DLG2: variants seen among roughly 807,000 people sequenced by gnomAD.
DLG2 encodes discs large MAGUK scaffold protein 2.
DLG2 carries 45 observed loss-of-function variants against 132.5 expected under a neutral mutation model. The ratio of observed to expected loss-of-function variants is 0.34; its 90% CI spans 0.27 to 0.44. The LOEUF is 0.44. Among genes scored for constraint, DLG2 ranks in the 20% least tolerant of loss-of-function variants. The pLI is 1.00. For missense variants in DLG2, 1,045 were observed against 1,196.9 expected (o/e 0.87, Z 1.87); for synonymous variants, 424 against 419.6 (o/e 1.01, Z -0.13).
intron 14 of DLG2, among the ~76,000 whole-genome samples, chr11:83,949,646 T>G (rs73509823): frequency 1.3e-5 from 2 of 152,294 alleles, no homozygotes; most frequent in African/African-American, 4.8e-5. Flanking sequence ...TACAATGTAG[T>G]ATTATTAACT....
chr11:83,943,762 C>A (rs1402254368), intron 14 of DLG2, among the ~76,000 whole-genome samples: 1 of 152,154 alleles, frequency 6.6e-6, no homozygotes, highest in Non-Finnish European at 1.5e-5. Context: ...ATATTTACTG[C>A]CCTTAGAAAA....
chr11:83,939,277 T>A (rs556014843), intron 14 of DLG2, among the ~76,000 whole-genome samples: 1 of 152,198 alleles, frequency 6.6e-6, no homozygotes. Context: ...CTGGTCCTTA[T>A]GAGTTTGGTT....
At chr11:84,876,825 T>A (rs1275863496) in intron 6 of DLG2, among the ~76,000 whole-genome samples, 1 of 152,234 alleles carries the variant, frequency 6.6e-6, no homozygotes, top group Non-Finnish European at 1.5e-5. Flanking sequence ...CATTTAGTGC[T>A]ATCAATTTCC....
Position 83,609,470 on chromosome 11 carries a change from T to C in DLG2, c.1940+23741A>G, listed in dbSNP as rs371892263. Among the ~76,000 whole-genome samples, 38 of 152,310 alleles carry C rather than the reference T, an allele frequency of 2.5e-4. 1 individual carries two copies. Among genetic ancestry groups the C allele is most frequent in the African/African-American group, 7.5e-4 (31 of 41,570 alleles). On this transcript the variant is annotated intron_variant, in intron 19 of 27. Transcript: ENST00000376104. ...AGCTGGAAATGACAGAATTTTGAAA[T>C]TTCCCATTAAGCTGGCTTGAGTTTT...
intron 7 of DLG2, among the ~76,000 whole-genome samples, chr11:84,346,744 A>G (rs970822413): frequency 6.6e-6 from 1 of 152,044 alleles, no homozygotes; most frequent in Admixed American, 6.6e-5. Flanking sequence ...CACCCAGCTA[A>G]TTTTTGTATT....
chr11:85,523,052 C>T (rs2074442076), intron 3 of DLG2, among the ~76,000 whole-genome samples: 1 of 152,182 alleles, frequency 6.6e-6, no homozygotes, highest in African/African-American at 2.4e-5. Context: ...CAAATGTCAT[C>T]TTGAATTACA....
intron 6 of DLG2, among the ~76,000 whole-genome samples, chr11:84,849,836 T>G (rs1370467660): frequency 6.6e-6 from 1 of 152,156 alleles, no homozygotes; most frequent in Non-Finnish European, 1.5e-5. Flanking sequence ...TCTTTTTCAC[T>G]GCTGTGTGTC....
chr11:84,395,011 A>G (rs1309189130), intron 7 of DLG2, among the ~76,000 whole-genome samples: 1 of 152,114 alleles, frequency 6.6e-6, no homozygotes, highest in African/African-American at 2.4e-5. Context: ...ACCTAGCTCA[A>G]TGTCCTCTCA....
chr11:84,375,104 A>T (rs1254293255), intron 7 of DLG2, among the ~76,000 whole-genome samples: 1 of 152,152 alleles, frequency 6.6e-6, no homozygotes, highest in Admixed American at 6.6e-5. Flanking sequence ...CAAAGCAAGA[A>T]TACCCATTAT....
At chr11:84,510,094 CTTA>C (rs10680572) in intron 7 of DLG2, among the ~76,000 whole-genome samples, 28,311 of 146,434 alleles carry the variant, frequency 0.19, 3,221 homozygotes, top group East Asian at 0.41. Flanking sequence ...TAAGAGTTCA[CTTA>C]TTATTATTAT....
intron 18 of DLG2, among the ~76,000 whole-genome samples, chr11:83,780,399 T>G (rs2094766875): frequency 6.6e-6 from 1 of 152,224 alleles, no homozygotes; most frequent in African/African-American, 2.4e-5. Flanking sequence ...CTGAAAAGAA[T>G]AGTTTTCCTT....
At chr11:85,358,785 T>C (rs1406411833) in intron 3 of DLG2, among the ~76,000 whole-genome samples, 1 of 152,222 alleles carries the variant, frequency 6.6e-6, no homozygotes, top group Non-Finnish European at 1.5e-5. Flanking sequence ...GCTTATTGAA[T>C]GTACACAGAT....
intron 8 of DLG2, 87 bp from the exon 9 acceptor site, chr11:84,163,598 A>C (rs931955003): frequency 4.2e-5 from 46 of 1,103,144 alleles, no homozygotes; most frequent in Non-Finnish European, 5.9e-5. Context: ...TTGGGGGTGA[A>C]ATTTTCATTC....
At chr11:84,008,359 T>C (rs950879396) in intron 11 of DLG2, among the ~76,000 whole-genome samples, 4 of 151,950 alleles carry the variant, frequency 2.6e-5, no homozygotes, top group African/African-American at 9.7e-5. Context: ...ATGCAATGTT[T>C]GGCTTTTGCA....
At chr11:83,734,863 G>A (rs145299367) in intron 18 of DLG2, among the ~76,000 whole-genome samples, 4 of 151,680 alleles carry the variant, frequency 2.6e-5, no homozygotes, top group East Asian at 1.9e-4. Context: ...CCTATGTATC[G>A]TTATATATAC....
intron 19 of DLG2, among the ~76,000 whole-genome samples, chr11:83,630,731 G>A (rs2063407478): frequency 6.6e-6 from 1 of 152,154 alleles, no homozygotes; most frequent in African/African-American, 2.4e-5. Flanking sequence ...GGGGGTAGGA[G>A]AGCTGATTCT....
At chr11:84,284,133 T>C (rs534718068) in intron 7 of DLG2, among the ~76,000 whole-genome samples, 2 of 151,668 alleles carry the variant, frequency 1.3e-5, no homozygotes, top group East Asian at 3.9e-4. Flanking sequence ...ACTCTGGAGG[T>C]TGAGGCAGGA....
At chr11:85,574,535 C>T (rs893239720) in intron 3 of DLG2, among the ~76,000 whole-genome samples, 8 of 152,166 alleles carry the variant, frequency 5.3e-5, no homozygotes, top group Admixed American at 3.3e-4. Context: ...TTTGTCCCCA[C>T]CAAATCTCAT....
chr11:85,052,865 C>G (rs1593281136), intron 6 of DLG2, among the ~76,000 whole-genome samples: 1 of 152,172 alleles, frequency 6.6e-6, no homozygotes, highest in African/African-American at 2.4e-5. Flanking sequence ...TCAGACCCTC[C>G]TCATTGTATA....
Sources: allele counts gnomAD v4.1 joint callset (sites outside exome capture counted in the v4.1 genomes callset), GRCh38; gene constraint gnomAD v4.1.1; transcripts MANE v1.5; gene names NCBI Gene and HGNC (gene_info 2026-07-23, HGNC 2026-07-21).